ENOPH1: variants seen among roughly 807,000 people sequenced by gnomAD.
ENOPH1 encodes enolase-phosphatase 1, also known as enolase-phosphatase E1.
Under a neutral mutation model 31.1 loss-of-function variants are expected in ENOPH1, and 14 were observed. That is an observed-to-expected ratio of 0.45 (90% CI 0.30 to 0.70). The LOEUF (loss-of-function observed/expected upper bound fraction) is 0.70. Among genes scored for constraint, ENOPH1 ranks in the 30% least tolerant of loss-of-function variants. The probability of loss-of-function intolerance (pLI) is 0.09; values close to 1 mark genes in which losing one functional copy is unlikely to be tolerated. For synonymous variants in ENOPH1, 127 were observed against 123.2 expected, an observed-to-expected ratio of 1.03 and a Z score of -0.21; for missense variants, 243 against 321.5, an observed-to-expected ratio of 0.76 and a Z score of 1.87.
chr4:82,442,309 C>T (rs1722061478), intron 1 of ENOPH1, among the ~76,000 whole-genome samples: 1 of 152,176 alleles, frequency 6.6e-6, no homozygotes, highest in Non-Finnish European at 1.5e-5. Flanking sequence ...CATCAGAGGT[C>T]AGGAGTTCGA....
chr4:82,431,371 A>G (rs1214573613), intron 1 of ENOPH1, among the ~76,000 whole-genome samples: 2 of 152,246 alleles, frequency 1.3e-5, no homozygotes, highest in African/African-American at 4.8e-5. Context: ...ATGACTTTTC[A>G]GGTGGCCCTG....
intron 1 of ENOPH1, among the ~76,000 whole-genome samples, chr4:82,435,743 A>G (rs1174392282): frequency 6.6e-6 from 1 of 152,212 alleles, no homozygotes; most frequent in African/African-American, 2.4e-5. Flanking sequence ...AAACAGCTAG[A>G]AGACAGCCTA....
intron 1 of ENOPH1, among the ~76,000 whole-genome samples, chr4:82,435,245 G>A (rs1057218514): frequency 5.9e-5 from 9 of 152,136 alleles, no homozygotes; most frequent in African/African-American, 2.2e-4. Flanking sequence ...GGGACCACGA[G>A]TGTGCACCAC....
Position 82,456,915 on chromosome 4 carries a change from C to T in ENOPH1, c.523C>T (p.Leu175Phe). The part of the protein sequence containing the change: ...GHSTEGDILE[L>F]VDGHFDTKIG... ...AGTCTTTCCCCTTCTCTTTGTTCAGCTTGTTGATGGTCACTTTGATACCAA... is the reference window on the plus strand; with the variant it reads ...AGTCTTTCCCCTTCTCTTTGTTCAGTTTGTTGATGGTCACTTTGATACCAA... Residue 175 changes from leucine to phenylalanine, a missense_variant and splice_region_variant, in exon 5 of 6, where the codon CTT becomes TTT. Coordinates refer to ENST00000273920, the MANE Select transcript of ENOPH1 (RefSeq NM_021204.5). 6.2e-7 allele frequency: 1 copy of T among 1,613,758 alleles called. No individual in the cohort carries two copies. Among genetic ancestry groups the T allele is most frequent in the Non-Finnish European group, 8.5e-7 (1 of 1,179,814 alleles).
intron 1 of ENOPH1, among the ~76,000 whole-genome samples, chr4:82,438,794 GCTTA>G (rs1244928734): frequency 2.0e-5 from 3 of 152,166 alleles, no homozygotes; most frequent in African/African-American, 7.2e-5. Flanking sequence ...CCTGAAAAGT[GCTTA>G]CTTCTTCTTT....
At chr4:82,432,075 C>G (rs1233327025) in intron 1 of ENOPH1, among the ~76,000 whole-genome samples, 1 of 152,074 alleles carries the variant, frequency 6.6e-6, no homozygotes, top group African/African-American at 2.4e-5. Flanking sequence ...GCCACCATGC[C>G]TGGCTAATTT....
chr4:82,442,888 G>C (rs896103530), intron 1 of ENOPH1, among the ~76,000 whole-genome samples: 1 of 152,180 alleles, frequency 6.6e-6, no homozygotes, highest in Admixed American at 6.5e-5. Context: ...GCAGTGGCGT[G>C]ATCTTGGCTT....
intron 1 of ENOPH1, among the ~76,000 whole-genome samples, chr4:82,434,494 A>G (rs1424356149): frequency 6.6e-6 from 1 of 152,046 alleles, no homozygotes; most frequent in Non-Finnish European, 1.5e-5. Context: ...CAGGTGGATC[A>G]CCTGAGGTCA....
chr4:82,431,804 T>C (rs1424691852), intron 1 of ENOPH1, among the ~76,000 whole-genome samples: 1 of 152,172 alleles, frequency 6.6e-6, no homozygotes, highest in African/African-American at 2.4e-5. Context: ...AGTCGAGATA[T>C]ACAAAGTATA....
chr4:82,436,702 A>G (rs1463399942), intron 1 of ENOPH1, among the ~76,000 whole-genome samples: 1 of 151,636 alleles, frequency 6.6e-6, no homozygotes, highest in African/African-American at 2.4e-5. Context: ...AAAAAAAAAA[A>G]AATGGTGGAT....
At chr4:82,454,578 C>T in intron 3 of ENOPH1, 144 bp from the exon 4 acceptor site, 2 of 783,472 alleles carry the variant, frequency 2.6e-6, no homozygotes, top group Non-Finnish European at 4.0e-6. Context: ...TTTATTAGAA[C>T]TGCAGGAGTT....
chr4:82,455,201 C>T lies in ENOPH1; in HGVS notation c.522+347C>T, dbSNP rs565990774. ...AAATATAGATTTCATTTAAGAAGAA[C>T]CAGCATTATTATAGGAGAACCAGGC... On this transcript the variant is annotated intron_variant, in intron 4 of 5. Coordinates refer to ENST00000273920, the MANE Select transcript of ENOPH1 (RefSeq NM_021204.5). Among the ~76,000 whole-genome samples the T allele has an allele frequency of 3.9e-5, 6 of 152,224 alleles. No homozygotes were observed. The East Asian group carries it at 1.2e-3, about 29-fold the overall frequency.
intron 1 of ENOPH1, among the ~76,000 whole-genome samples, chr4:82,439,635 A>C (rs1721992162): frequency 6.6e-6 from 1 of 152,234 alleles, no homozygotes; most frequent in Non-Finnish European, 1.5e-5. Context: ...ATTTGTACTT[A>C]ACCTTTATGT....
At chr4:82,444,332 T>C (rs929331890) in intron 1 of ENOPH1, among the ~76,000 whole-genome samples, 2 of 151,996 alleles carry the variant, frequency 1.3e-5, no homozygotes, top group Non-Finnish European at 2.9e-5. Context: ...AGCATTTCTC[T>C]TGTCTCAGCC....
intron 1 of ENOPH1, among the ~76,000 whole-genome samples, chr4:82,432,687 G>C (rs1299627713): frequency 7.1e-6 from 1 of 140,334 alleles, no homozygotes; most frequent in Non-Finnish European, 1.6e-5. Context: ...ACAGAGTCTT[G>C]TTCTGTCTCC....
intron 1 of ENOPH1, among the ~76,000 whole-genome samples, chr4:82,434,783 T>C: frequency 6.6e-6 from 1 of 152,044 alleles, no homozygotes; most frequent in East Asian, 1.9e-4. Flanking sequence ...GGCGCACACC[T>C]GTAATCCCAG....
chr4:82,454,052 A>T (rs1001978577), intron 3 of ENOPH1, among the ~76,000 whole-genome samples: 16 of 1,974 alleles, frequency 8.1e-3, no homozygotes, highest in African/African-American at 0.029. Flanking sequence ...CAAAAAATTA[A>T]AAAAAAAAAA....
chr4:82,452,061 GT>G (rs369490087), intron 3 of ENOPH1, among the ~76,000 whole-genome samples: 358 of 151,778 alleles, frequency 2.4e-3, no homozygotes, highest in African/African-American at 8.0e-3. Context: ...GGTTACAGGC[GT>G]AAGTCACAAT....
At chr4:82,450,524 G>C (rs1722321566) in intron 2 of ENOPH1, among the ~76,000 whole-genome samples, 1 of 152,170 alleles carries the variant, frequency 6.6e-6, no homozygotes, top group Non-Finnish European at 1.5e-5. Context: ...AAATTGGACT[G>C]CTTTGTCACA....
Sources: allele counts gnomAD v4.1 joint callset (sites outside exome capture counted in the v4.1 genomes callset), GRCh38; gene constraint gnomAD v4.1.1; transcripts MANE v1.5; gene names NCBI Gene and HGNC (gene_info 2026-07-23, HGNC 2026-07-21).